Variants in FABP12 observed in about 807,000 individuals in gnomAD.
The protein encoded by FABP12 is fatty acid binding protein 12.
FABP12 carries 19 observed loss-of-function variants against 13.7 expected under a neutral mutation model. The ratio of observed to expected loss-of-function variants is 1.39; its 90% confidence interval spans 0.97 to 2.04. The LOEUF (loss-of-function observed/expected upper bound fraction) is 2.04, where lower values mean the gene tolerates loss of function less well. Ranked by LOEUF, FABP12 falls within the 30% of genes most tolerant of loss-of-function variation. The pLI is 0.00. For missense variants in FABP12, 182 were observed against 164.2 expected (o/e 1.11, Z -0.59); for synonymous variants, 61 against 57.0 (o/e 1.07, Z -0.32).
At chr8:81,525,106 G>T in exon 5 of FABP12, 1 of 1,584,752 alleles carries the variant, frequency 6.3e-7, no homozygotes, top group African/African-American at 1.3e-5. Flanking sequence ...AGATAACACT[G>T]TTCACAGTAC....
Position 81,585,198 on chromosome 8 carries a change from C to T in FABP12, c.-185+4855G>A, listed in dbSNP as rs368950155. 1.5e-3 allele frequency among the ~76,000 whole-genome samples: 225 copies of T among 152,192 alleles called. 1 individual carries two copies. The highest frequency in any genetic ancestry group is 5.1e-3 in the African/African-American group (213 of 41,538). Reference sequence around the variant, plus strand: ...GCATCCCTTCAATGTTTCTTCTAGTCGTTTCATAGATTCAGGTCTTAGACA... The same window carrying T: ...GCATCCCTTCAATGTTTCTTCTAGTTGTTTCATAGATTCAGGTCTTAGACA... On this transcript the variant is annotated intron_variant, in intron 1 of 5. Transcript: ENST00000692030.
intron 1 of FABP12, among the ~76,000 whole-genome samples, chr8:81,549,932 G>A (rs1483493623): frequency 1.3e-5 from 2 of 152,158 alleles, no homozygotes; most frequent in African/African-American, 2.4e-5. Flanking sequence ...GATAGGAAAA[G>A]CTGCTGAATA....
intron 1 of FABP12, among the ~76,000 whole-genome samples, chr8:81,552,786 A>G (rs189132986): frequency 3.9e-5 from 6 of 152,266 alleles, no homozygotes; most frequent in African/African-American, 1.4e-4. Context: ...GATTGGATAT[A>G]GTAGGTAACT....
upstream of FABP12, among the ~76,000 whole-genome samples, chr8:81,534,230 T>C (rs975326628): frequency 5.3e-5 from 8 of 152,246 alleles, no homozygotes; most frequent in Admixed American, 1.3e-4. Context: ...GGGCAGCTCA[T>C]ATCACAGCCC....
At position 81,589,499 on chromosome 8, in the gene FABP12, ACCT is replaced by A. The variant is rs1182259652; in HGVS notation, c.-185+551_-185+553del. Among the ~76,000 whole-genome samples, 8 of 151,306 alleles carry A rather than the reference ACCT, an allele frequency of 5.3e-5. No individual in the cohort carries two copies. The East Asian group carries it at 7.8e-4, about 15-fold the overall frequency. The stretch of plus-strand genomic sequence containing the variant: ...CTCCCAGAAATCACAAACAGCGCTG[ACCT>A]CCCCCTGGCCCCACTCCTAACCTGG... On this transcript the variant is annotated intron_variant, in intron 1 of 5. Transcript: ENST00000692030.
upstream of FABP12, among the ~76,000 whole-genome samples, chr8:81,536,690 A>G (rs952069314): frequency 2.0e-5 from 3 of 152,252 alleles, no homozygotes; most frequent in African/African-American, 7.2e-5. Context: ...GAATTCCTTC[A>G]TGTTTCCCTG....
chr8:81,589,855 A>T (rs975838179), intron 1 of FABP12, among the ~76,000 whole-genome samples: 4 of 152,192 alleles, frequency 2.6e-5, no homozygotes, highest in African/African-American at 7.2e-5. Flanking sequence ...GTTGGCCTTA[A>T]ATATAGATGC....
chr8:81,546,929 A>G (rs189857425), intron 1 of FABP12, among the ~76,000 whole-genome samples: 1 of 152,316 alleles, frequency 6.6e-6, no homozygotes, highest in Admixed American at 6.5e-5. Context: ...CCCTTGGCAT[A>G]TAGCATTTTT....
upstream of FABP12, among the ~76,000 whole-genome samples, chr8:81,535,738 GA>G (rs1361895893): frequency 6.6e-6 from 1 of 152,140 alleles, no homozygotes; most frequent in Non-Finnish European, 1.5e-5. Flanking sequence ...GAAAATGGGG[GA>G]CATTAACAGT....
intron 1 of FABP12, 131 bp from the exon 2 acceptor site, chr8:81,531,521 T>G: frequency 1.9e-6 from 1 of 526,762 alleles, no homozygotes; most frequent in Non-Finnish European, 3.3e-6. Flanking sequence ...TTTAAATACA[T>G]CAGGATGAAA....
chr8:81,532,830 CA>C (rs1563543994), intron 1 of FABP12: 1 of 152,460 alleles, frequency 6.6e-6, no homozygotes, highest in Non-Finnish European at 1.5e-5. Flanking sequence ...GACTCCGTAT[CA>C]AAAAAGCAAA....
At chr8:81,533,474 G>C (rs10113853) in intron 1 of FABP12, among the ~76,000 whole-genome samples, 14,395 of 152,144 alleles carry the variant, frequency 0.095, 720 homozygotes, top group Non-Finnish European at 0.11. Context: ...CCACCCATGA[G>C]TATATATATG....
upstream of FABP12, among the ~76,000 whole-genome samples, chr8:81,534,718 G>A (rs1335150015): frequency 6.6e-6 from 1 of 152,146 alleles, no homozygotes; most frequent in Non-Finnish European, 1.5e-5. Flanking sequence ...CAAGGTGGGA[G>A]GATCACCTGG....
intron 1 of FABP12, among the ~76,000 whole-genome samples, chr8:81,588,631 C>T (rs1362338173): frequency 6.6e-6 from 1 of 152,102 alleles, no homozygotes; most frequent in East Asian, 1.9e-4. Flanking sequence ...AGTTTGGATG[C>T]CCCTTTATTA....
intron 1 of FABP12, among the ~76,000 whole-genome samples, chr8:81,578,057 T>C (rs1810084126): frequency 1.3e-5 from 2 of 152,204 alleles, no homozygotes; most frequent in Admixed American, 1.3e-4. Context: ...ACTATATTAG[T>C]TTGGGAAGCA....
chr8:81,528,001 TC>T (rs1808953724), intron 3 of FABP12, among the ~76,000 whole-genome samples: 2 of 152,200 alleles, frequency 1.3e-5, no homozygotes, highest in Admixed American at 1.3e-4. Flanking sequence ...TAATTCAAAC[TC>T]CCATTATATG....
chr8:81,531,339 A>G, exon 2 of FABP12: 2 of 1,551,366 alleles, frequency 1.3e-6, no homozygotes, highest in Non-Finnish European at 8.8e-7. Context: ...AGTTGATCTC[A>G]AAGAACAGTA....
upstream of FABP12, among the ~76,000 whole-genome samples, chr8:81,538,703 T>G (rs1809280478): frequency 6.6e-6 from 1 of 152,162 alleles, no homozygotes; most frequent in Admixed American, 6.5e-5. Flanking sequence ...GGCCTCCAAA[T>G]CTGTAGGAGA....
intron 1 of FABP12, among the ~76,000 whole-genome samples, chr8:81,577,985 T>A (rs1473985495): frequency 6.6e-6 from 1 of 152,238 alleles, no homozygotes; most frequent in African/African-American, 2.4e-5. Context: ...ATTATTTGTT[T>A]TTACTAAATA....
Sources: gnomAD v4.1 joint callset for allele counts (sites outside exome capture counted in the v4.1 genomes callset) on GRCh38, gnomAD v4.1.1 for gene constraint, MANE v1.5 for transcripts, NCBI Gene and HGNC (gene_info 2026-07-23, HGNC 2026-07-21) for gene names.